SYCE1L: variants seen among roughly 807,000 people sequenced by gnomAD.
The protein encoded by SYCE1L is synaptonemal complex central element protein 1-like.
In SYCE1L, 51 loss-of-function variants were observed where a neutral mutation model predicts 39.6. The ratio of observed to expected loss-of-function variants is 1.29; its 90% CI spans 1.03 to 1.63. SYCE1L has a LOEUF of 1.63. Among genes scored for constraint, SYCE1L ranks in the 40% most tolerant of loss-of-function variants. The pLI is 0.00. For synonymous variants in SYCE1L, 147 were observed against 122.4 expected, an observed-to-expected ratio of 1.20 and a Z score of -1.33; for missense variants, 426 against 304.9, an observed-to-expected ratio of 1.40 and a Z score of -2.96.
chr16:77,212,530 ACT>A (rs1216868145), intron 9 of SYCE1L, 42 bp from the exon 10 acceptor site: 4 of 1,532,592 alleles, frequency 2.6e-6, no homozygotes, highest in East Asian at 2.5e-5. Flanking sequence ...CGTCCCCTGG[ACT>A]CTCGCTCTCT....
rs1305810658 is a variant in SYCE1L at position 77,199,439 on chromosome 16, C to A, written c.-13C>A. 2.1e-5 allele frequency: 33 copies of A among 1,551,348 alleles called. No homozygotes were observed. The highest frequency in any genetic ancestry group is 2.8e-5 in the Non-Finnish European group (32 of 1,146,950). ...CATCAAGCGAGGCTCGCGCGCAGGC[C>A]CCGCGTTGGAAAATGGCGGGGAAGC... On this transcript the variant is annotated 5_prime_UTR_variant, in exon 1 of 11. Transcript: ENST00000378644.
At position 77,209,115 on chromosome 16, in the gene SYCE1L, A is replaced by G. The variant is rs1218593748; in HGVS notation, c.275A>G (p.His92Arg). ...ELDSLNGEKV[H>R]LEEVLGKKQE... ...TTTCCAGTGAATGGAGAGAAAGTGC[A>G]CCTAGAGGAGGTCTTGGGCAAAAAG... is the stretch of plus-strand genomic sequence containing the variant. The change falls in exon 5 of 11, where the codon CAC becomes CGC. Residue 92 changes from histidine to arginine, a missense_variant. Transcript: ENST00000378644. The G allele has an allele frequency of 2.6e-6, 4 of 1,551,566 alleles. No individual in the cohort carries two copies. The East Asian group carries it at 9.8e-5, about 38-fold the overall frequency.
At position 77,212,627 on chromosome 16, in the gene SYCE1L, T is replaced by G. The variant is rs13339340; in HGVS notation, c.635T>G (p.Val212Gly). ...FGEQVRSAPE[V>G]GAGEGEAGPE... ...GAGCAGGTCCGGAGCGCCCCCGAGG[T>G]CGGGGCCGGCGAGGGAGAGGTAGGG... The change falls in exon 10 of 11, where the codon GTC becomes GGC. Residue 212 changes from valine to glycine, a missense_variant. Val to Gly is a moderately radical substitution (Grantham distance 109). Transcript: ENST00000378644. The G allele has an allele frequency of 1.7e-3, 2,652 of 1,532,748 alleles. 51 individuals carry two copies. In the African/African-American group the frequency reaches 0.032, roughly 19 times the overall value. The allele number at this position is 1,532,748 out of a possible 1,614,324, so 94.9% of individuals were successfully genotyped here.
intron 2 of SYCE1L, 108 bp from the exon 3 acceptor site, chr16:77,208,102 A>C: frequency 8.7e-7 from 1 of 1,149,514 alleles, no homozygotes; most frequent in East Asian, 2.6e-5. Context: ...GCAGGCGCTC[A>C]ATATATGCCG....
At chr16:77,206,580 T>A in intron 2 of SYCE1L, 80 bp downstream of exon 2, 1 of 1,390,106 alleles carries the variant, frequency 7.2e-7, no homozygotes, top group Non-Finnish European at 1.0e-6. Context: ...CCCCCTGAAC[T>A]CACAACCTCA....
intron 9 of SYCE1L, 101 bp from the exon 10 acceptor site, chr16:77,212,473 G>A: frequency 6.5e-7 from 1 of 1,539,828 alleles, no homozygotes; most frequent in Non-Finnish European, 8.8e-7. Context: ...CCCGGCCTGT[G>A]CCTCCCTCGG....
At chr16:77,206,347 G>A (rs554521058) in intron 1 of SYCE1L, 94 bp from the exon 2 acceptor site, 17 of 1,081,642 alleles carry the variant, frequency 1.6e-5, no homozygotes, top group Admixed American at 6.2e-5. Flanking sequence ...CCCAGCCCAC[G>A]GGTGTCTGCA....
intron 7 of SYCE1L, 149 bp from the exon 8 acceptor site, chr16:77,211,981 A>G: frequency 1.1e-6 from 1 of 933,570 alleles, no homozygotes; most frequent in East Asian, 2.8e-5. Flanking sequence ...CTCCAGCCAC[A>G]GCAGGAACTG....
rs759812945 is a variant in SYCE1L at position 77,212,646 on chromosome 16, G to A, written c.654G>A (p.Glu218=). 9 of 1,533,872 alleles carry A rather than the reference G, an allele frequency of 5.9e-6. No individual in the cohort carries two copies. The African/African-American group carries it at 8.2e-5, about 14-fold the overall frequency. Residue 218 remains glutamate (E), a splice_region_variant and synonymous_variant, in exon 10 of 11, where the codon GAG becomes GAA. Coordinates refer to ENST00000378644, the MANE Select transcript of SYCE1L (RefSeq NM_001129979.3). ...SAPEVGAGEG[E]AGPELPRARD... ...CCGAGGTCGGGGCCGGCGAGGGAGA[G>A]GTAGGGAGCCCGAGGAAGGGAGGCG...
chr16:77,208,613 C>T, intron 4 of SYCE1L, 74 bp downstream of exon 4: 1 of 1,415,562 alleles, frequency 7.1e-7, no homozygotes, highest in Non-Finnish European at 9.7e-7. Context: ...TTTGCACAGG[C>T]TGCTCCCTGG....
In SYCE1L at chr16:77,213,100, T is replaced by C; in HGVS notation, c.*169T>C. On this transcript the variant is annotated 3_prime_UTR_variant, in exon 11 of 11. Coordinates refer to ENST00000378644, the MANE Select transcript of SYCE1L (RefSeq NM_001129979.3). ...GCCTCTGCCGGACCCCTCCCACCAGTCGAGCCCCGGGCGCCGTACAGAGGC... is the reference window on the plus strand; with the variant it reads ...GCCTCTGCCGGACCCCTCCCACCAGCCGAGCCCCGGGCGCCGTACAGAGGC... 2 of 623,570 alleles carry C rather than the reference T, an allele frequency of 3.2e-6. No homozygotes were observed. The highest frequency in any genetic ancestry group is 2.4e-6 in the Non-Finnish European group (1 of 412,906). The allele number at this position is 623,570 out of a possible 1,614,324, so 38.6% of individuals were successfully genotyped here.
At chr16:77,205,824 T>G (rs962447125) in intron 1 of SYCE1L, among the ~76,000 whole-genome samples, 2 of 152,182 alleles carry the variant, frequency 1.3e-5, no homozygotes, top group African/African-American at 2.4e-5. Flanking sequence ...TAGAGGCTCA[T>G]AGGGAGCACT....
intron 1 of SYCE1L, among the ~76,000 whole-genome samples, chr16:77,204,870 C>T (rs1221387984): frequency 6.6e-6 from 1 of 151,740 alleles, no homozygotes. Context: ...CACAGTAAAA[C>T]CCCATCTCTA....
In SYCE1L at chr16:77,212,109, GCCT is replaced by G. The variant is rs1567428062; in HGVS notation, c.424-16_424-14del. ...GCCAAGAGGACGGCCAAACGGGGAGGCCTCCTCTTTGTCCTCGCAGATGCTGGA... is the reference window on the plus strand; with the variant it reads ...GCCAAGAGGACGGCCAAACGGGGAGGCCTCTTTGTCCTCGCAGATGCTGGA... On this transcript the variant is annotated intron_variant, in intron 7 of 10. Transcript: ENST00000378644. 2.5e-5 allele frequency: 38 copies of G among 1,544,706 alleles called. No individual in the cohort carries two copies. In the South Asian group the frequency reaches 4.4e-4, roughly 18 times the overall value.
At chr16:77,209,035 GA>G in intron 4 of SYCE1L, 61 bp from the exon 5 acceptor site, 1 of 1,520,298 alleles carries the variant, frequency 6.6e-7, no homozygotes, top group Non-Finnish European at 8.9e-7. Context: ...CCCCTTATAT[GA>G]AGTTGCACTG....
intron 1 of SYCE1L, among the ~76,000 whole-genome samples, chr16:77,205,146 G>A (rs919505158): frequency 6.6e-6 from 1 of 151,772 alleles, no homozygotes; most frequent in African/African-American, 2.4e-5. Flanking sequence ...AATGCTAGTG[G>A]CCTCTGAGGA....
rs141392869 is a variant in SYCE1L, at chr16:77,199,895, T to C, written c.61+383T>C. 1.1e-3 allele frequency: 184 copies of C among 169,012 alleles called. 1 individual carries two copies. The highest frequency in any genetic ancestry group is 4.3e-3 in the African/African-American group (181 of 41,940). 10.5% of individuals were successfully genotyped at this position (169,012 alleles called of 1,614,324 possible). On this transcript the variant is annotated intron_variant, in intron 1 of 10. Transcript: ENST00000378644. Reference sequence around the variant, plus strand: ...TTTCACACCTAACACATATGACACTTTGATGGACTCTTAAACCTCCTAATC... The same window carrying C: ...TTTCACACCTAACACATATGACACTCTGATGGACTCTTAAACCTCCTAATC...
chr16:77,203,453 C>G (rs1206845402), intron 1 of SYCE1L, among the ~76,000 whole-genome samples: 1 of 108,050 alleles, frequency 9.3e-6, no homozygotes. Flanking sequence ...GGTGAACATA[C>G]CACCAAATAT....
Position 77,199,457 on chromosome 16 carries a change from G to T in SYCE1L, c.6G>T (p.Ala2=), listed in dbSNP as rs908248831. Residue 2 remains alanine, a synonymous_variant, in exon 1 of 11, where the codon GCG becomes GCT. Transcript: ENST00000378644. ...CGCAGGCCCCGCGTTGGAAAATGGC[G>T]GGGAAGCTGAAACCTCTGAATGTGG... M[A]GKLKPLNVEA... 1.9e-6 allele frequency: 3 copies of T among 1,551,514 alleles called. No homozygotes were observed. The Admixed American group carries it at 5.9e-5, about 30-fold the overall frequency.
Sources: gnomAD v4.1 joint callset for allele counts (sites outside exome capture counted in the v4.1 genomes callset) on GRCh38, gnomAD v4.1.1 for gene constraint, MANE v1.5 for transcripts, NCBI Gene and HGNC (gene_info 2026-07-23, HGNC 2026-07-21) for gene names.